Variants in IL1RAPL1 observed in about 807,000 individuals in gnomAD.
IL1RAPL1 encodes interleukin 1 receptor accessory protein like 1, also known as interleukin-1 receptor accessory protein-like 1.
IL1RAPL1 carries 3 observed loss-of-function variants against 48.4 expected under a neutral mutation model. The observed-to-expected ratio is 0.06, with a 90% CI of 0.03 to 0.16. The LOEUF (loss-of-function observed/expected upper bound fraction) is 0.16, where lower values mean the gene tolerates loss of function less well. IL1RAPL1 is among the 10% of genes least tolerant of loss of function. IL1RAPL1 has a pLI of 1.00. For missense variants in IL1RAPL1, 349 were observed against 530.6 expected (o/e 0.66, Z 3.36); for synonymous variants, 185 against 187.7 (o/e 0.99, Z 0.12).
At chrX:29,761,310 G>A (rs1928745556) in intron 6 of IL1RAPL1, among the ~76,000 whole-genome samples, 1 of 111,135 alleles carries the variant, frequency 9.0e-6, no homozygotes, top group Non-Finnish European at 1.9e-5. Flanking sequence ...TACAATATCA[G>A]GGGCTGTTTT....
chrX:29,837,272 A>T lies in IL1RAPL1; in HGVS notation c.779-80192A>T, dbSNP rs867513258. ...AGACTGCATCTCAAAAAAAAAAAAA[A>T]ATATATATATATATATATATATATA... On this transcript the variant is annotated intron_variant, in intron 6 of 10. Coordinates refer to ENST00000378993, the MANE Select transcript of IL1RAPL1 (RefSeq NM_014271.4). Among the ~76,000 whole-genome samples, 125 of 72,080 alleles carry T rather than the reference A, an allele frequency of 1.7e-3. 1 individual carries two copies. The highest frequency in any genetic ancestry group is 0.014 in the South Asian group (17 of 1,255). 62.6% of individuals were successfully genotyped at this position (72,080 alleles called of 115,157 possible).
At chrX:29,274,946 G>T (rs1221311510) in intron 2 of IL1RAPL1, among the ~76,000 whole-genome samples, 2 of 109,143 alleles carry the variant, frequency 1.8e-5, no homozygotes, top group Non-Finnish European at 1.9e-5. Flanking sequence ...ACATTTCCTT[G>T]TCATATCCTT....
Position 29,802,765 on chromosome X carries a change from A to ATATATG in IL1RAPL1, c.779-114694_779-114693insGTATAT, listed in dbSNP as rs1555922070. Among the ~76,000 whole-genome samples the ATATATG allele has an allele frequency of 3.2e-3, 84 of 26,661 alleles. 3 individuals carry two copies. The highest frequency in any genetic ancestry group is 3.8e-3 in the Non-Finnish European group (64 of 16,888). 23.2% of individuals were successfully genotyped at this position (26,661 alleles called of 115,157 possible). A position where few individuals can be genotyped will look rare whatever the true frequency, so the allele number is the denominator to read the frequency against. ...GAAAAAATTATATATATATATATAT[A>ATATATG]TATATATATATATATATGTGTGTGT... On this transcript the variant is annotated intron_variant, in intron 6 of 10. Coordinates refer to ENST00000378993, the MANE Select transcript of IL1RAPL1 (RefSeq NM_014271.4).
At chrX:28,708,300 T>C (rs1935399719) in intron 1 of IL1RAPL1, among the ~76,000 whole-genome samples, 1 of 111,417 alleles carries the variant, frequency 9.0e-6, no homozygotes, top group African/African-American at 3.3e-5. Flanking sequence ...TGCCTTTCCA[T>C]AGGAAAGGCT....
chrX:29,033,031 T>C (rs1339435206), intron 2 of IL1RAPL1, among the ~76,000 whole-genome samples: 1 of 112,221 alleles, frequency 8.9e-6, no homozygotes, highest in Non-Finnish European at 1.9e-5. Context: ...TAGTATATTA[T>C]GTGGGACATA....
Position 29,022,871 on chromosome X carries a change from A to C in IL1RAPL1, c.82+233446A>C, listed in dbSNP as rs991290947. ...GGCTTCATAGAAATATTAAACAACT[A>C]TTGATTTTAATGTATAACATTGTCA... On this transcript the variant is annotated intron_variant, in intron 2 of 10. Transcript: ENST00000378993. 2.7e-5 allele frequency among the ~76,000 whole-genome samples: 3 copies of C among 112,076 alleles called. No homozygotes were observed. The East Asian group carries it at 8.4e-4, about 31-fold the overall frequency.
At chrX:29,703,773 T>C (rs2147116880) in intron 6 of IL1RAPL1, among the ~76,000 whole-genome samples, 1 of 112,530 alleles carries the variant, frequency 8.9e-6, no homozygotes, top group Admixed American at 9.4e-5. Context: ...TTTACTTTCT[T>C]TGGGGATATT....
intron 2 of IL1RAPL1, among the ~76,000 whole-genome samples, chrX:28,962,829 G>A (rs919440537): frequency 9.2e-6 from 1 of 109,277 alleles, no homozygotes; most frequent in African/African-American, 3.3e-5. Flanking sequence ...CGTGGGGGGG[G>A]TCCTGGAACC....
At chrX:28,678,994 T>G (rs747419926) in intron 1 of IL1RAPL1, among the ~76,000 whole-genome samples, 9 of 111,979 alleles carry the variant, frequency 8.0e-5, no homozygotes, top group Admixed American at 6.6e-4. Context: ...TATTTGTAGT[T>G]TTTTTGAGGA....
At chrX:29,430,267 C>A (rs1315256954) in intron 5 of IL1RAPL1, among the ~76,000 whole-genome samples, 1 of 111,120 alleles carries the variant, frequency 9.0e-6, no homozygotes, top group Non-Finnish European at 1.9e-5. Context: ...GTCTCACCTA[C>A]GACAGGTAAA....
chrX:29,874,792 A>G (rs1279957433), intron 6 of IL1RAPL1, among the ~76,000 whole-genome samples: 1 of 112,411 alleles, frequency 8.9e-6, no homozygotes, highest in Non-Finnish European at 1.9e-5. Flanking sequence ...CGCTTCCTGC[A>G]GCATCAACAG....
At chrX:29,656,392 A>G (rs901174546) in intron 5 of IL1RAPL1, among the ~76,000 whole-genome samples, 7 of 110,919 alleles carry the variant, frequency 6.3e-5, no homozygotes, top group Admixed American at 5.8e-4. Flanking sequence ...ACTGAACCCA[A>G]TGTGTAGTCT....
chrX:29,017,227 G>A (rs1354047816), intron 2 of IL1RAPL1, among the ~76,000 whole-genome samples: 1 of 112,225 alleles, frequency 8.9e-6, no homozygotes, highest in Non-Finnish European at 1.9e-5. Context: ...CTGATTGACT[G>A]GTGAACCACT....
intron 1 of IL1RAPL1, chrX:28,658,915 A>G: frequency 2.6e-6 from 1 of 385,351 alleles, no homozygotes; most frequent in Non-Finnish European, 4.5e-6. Flanking sequence ...ATACCTAATT[A>G]CTGTCCCCTA....
intron 1 of IL1RAPL1, among the ~76,000 whole-genome samples, chrX:28,615,694 T>C (rs772221383): frequency 8.9e-4 from 98 of 110,077 alleles, no homozygotes; most frequent in African/African-American, 1.2e-3. Context: ...TAAATGCGAG[T>C]CGCTTAGATC....
chrX:28,664,690 T>C (rs1482259602), intron 1 of IL1RAPL1, among the ~76,000 whole-genome samples: 1 of 111,747 alleles, frequency 8.9e-6, no homozygotes, highest in Non-Finnish European at 1.9e-5. Flanking sequence ...CCCTACCTAA[T>C]AATCCTCTTT....
At chrX:28,817,452 A>G (rs1936883392) in intron 2 of IL1RAPL1, among the ~76,000 whole-genome samples, 1 of 110,989 alleles carries the variant, frequency 9.0e-6, no homozygotes, top group Non-Finnish European at 1.9e-5. Flanking sequence ...TGAGATAGCA[A>G]CAGTTTGCCA....
intron 5 of IL1RAPL1, among the ~76,000 whole-genome samples, chrX:29,567,886 A>G (rs1270080045): frequency 9.0e-6 from 1 of 111,154 alleles, no homozygotes; most frequent in African/African-American, 3.3e-5. Context: ...TGGAGGTTTC[A>G]AAGGGACTTG....
chrX:29,544,833 A>G (rs1249583435), intron 5 of IL1RAPL1, among the ~76,000 whole-genome samples: 1 of 109,392 alleles, frequency 9.1e-6, no homozygotes, highest in Non-Finnish European at 1.9e-5. Flanking sequence ...TACCCCCAAT[A>G]CCTCAGAATG....
Sources: gnomAD v4.1 joint callset for allele counts (sites outside exome capture counted in the v4.1 genomes callset) on GRCh38, gnomAD v4.1.1 for gene constraint, MANE v1.5 for transcripts, NCBI Gene and HGNC (gene_info 2026-07-23, HGNC 2026-07-21) for gene names.